Variants in ENOX1 observed in about 807,000 individuals in gnomAD.
ENOX1 encodes the protein candidate growth-related and time keeping constitutive hydroquinone (NADH) oxidase.
A neutral mutation model predicts 82.5 loss-of-function variants in ENOX1; 42 were observed. That is an observed-to-expected ratio of 0.51 (90% CI 0.40 to 0.66). The LOEUF (loss-of-function observed/expected upper bound fraction) is 0.66. Among genes scored for constraint, ENOX1 ranks in the 30% least tolerant of loss-of-function variants. ENOX1 has a pLI of 0.00. For missense variants in ENOX1, 608 were observed against 811.6 expected (o/e 0.75, Z 3.05); for synonymous variants, 271 against 282.2 (o/e 0.96, Z 0.40).
intron 1 of ENOX1, among the ~76,000 whole-genome samples, chr13:43,762,949 G>C (rs565332222): frequency 6.6e-6 from 1 of 152,256 alleles, no homozygotes; most frequent in South Asian, 2.1e-4. Context: ...GCTGAAAAAG[G>C]CAAACTGTGT....
At chr13:43,662,407 G>C (rs2084779994) in intron 2 of ENOX1, among the ~76,000 whole-genome samples, 1 of 152,124 alleles carries the variant, frequency 6.6e-6, no homozygotes, top group Non-Finnish European at 1.5e-5. Flanking sequence ...GCTTTTCCCT[G>C]TTATTCCATT....
chr13:43,554,609 C>T (rs1428857041), intron 2 of ENOX1, among the ~76,000 whole-genome samples: 1 of 152,190 alleles, frequency 6.6e-6, no homozygotes, highest in Non-Finnish European at 1.5e-5. Context: ...CAGGGTCTCA[C>T]TCTGTCACCC....
intron 1 of ENOX1, among the ~76,000 whole-genome samples, chr13:43,679,323 G>A (rs974870910): frequency 1.3e-5 from 2 of 152,096 alleles, no homozygotes; most frequent in African/African-American, 4.8e-5. Flanking sequence ...GAATGAACAA[G>A]ATCAAGTCCC....
rs868750009 is a variant in ENOX1 at position 43,337,149 on chromosome 13, G to C, written c.1036+7389C>G. On this transcript the variant is annotated intron_variant, in intron 9 of 16. Coordinates refer to ENST00000690772, the MANE Select transcript of ENOX1 (RefSeq NM_001347969.2). ...ATCACGGTTTACTAAAAAACACTTA[G>C]GCTGTGTTCTGCAATATTAGGTTCT... Among the ~76,000 whole-genome samples, 32 of 152,310 alleles carry C rather than the reference G, an allele frequency of 2.1e-4. 1 individual carries two copies. Among genetic ancestry groups the C allele is most frequent in the South Asian group, 2.1e-3 (10 of 4,822 alleles).
At chr13:43,528,406 A>G (rs1297600020) in intron 2 of ENOX1, among the ~76,000 whole-genome samples, 4 of 152,102 alleles carry the variant, frequency 2.6e-5, no homozygotes, top group African/African-American at 9.7e-5. Context: ...AAATAGTAAT[A>G]TATGCTGCCC....
chr13:43,213,935 C>A lies in ENOX1; in HGVS notation c.*55G>T. 6.3e-7 allele frequency: 1 copy of A among 1,574,922 alleles called. No homozygotes were observed. Among genetic ancestry groups the A allele is most frequent in the East Asian group, 2.3e-5 (1 of 43,808 alleles). ...CCACACCTCCTGCTTCCCCGTCGCA[C>A]CGCCCTGGCCAGGTTCACATGGTTT... On this transcript the variant is annotated 3_prime_UTR_variant, in exon 17 of 17. Transcript: ENST00000690772.
At chr13:43,610,148 G>T (rs1038520257) in intron 2 of ENOX1, among the ~76,000 whole-genome samples, 1 of 152,136 alleles carries the variant, frequency 6.6e-6, no homozygotes, top group African/African-American at 2.4e-5. Flanking sequence ...ATCTGCCCTG[G>T]CCATCAGGAT....
At chr13:43,232,030 A>T (rs2153456575) in intron 15 of ENOX1, among the ~76,000 whole-genome samples, 1 of 150,954 alleles carries the variant, frequency 6.6e-6, no homozygotes, top group South Asian at 2.1e-4. Context: ...GGCTCAAGAG[A>T]TCCTTCCACC....
chr13:43,445,329 T>C (rs546467647), intron 3 of ENOX1, among the ~76,000 whole-genome samples: 52 of 152,206 alleles, frequency 3.4e-4, no homozygotes, highest in African/African-American at 9.4e-4. Flanking sequence ...TTCACCGTGT[T>C]AGCCAGGATG....
At chr13:43,530,608 A>G (rs2153687868) in intron 2 of ENOX1, among the ~76,000 whole-genome samples, 1 of 152,286 alleles carries the variant, frequency 6.6e-6, no homozygotes, top group East Asian at 1.9e-4. Flanking sequence ...AGAATGATCA[A>G]AAGTTAACAG....
At chr13:43,369,351 G>A (rs2051062421) in intron 5 of ENOX1, among the ~76,000 whole-genome samples, 2 of 152,220 alleles carry the variant, frequency 1.3e-5, no homozygotes, top group Admixed American at 6.5e-5. Flanking sequence ...CCAGGAAGAA[G>A]CTGATCAACC....
intron 2 of ENOX1, among the ~76,000 whole-genome samples, chr13:43,496,699 C>T (rs116969955): frequency 6.6e-6 from 1 of 152,044 alleles, no homozygotes; most frequent in African/African-American, 2.4e-5. Context: ...CTTAATGAGC[C>T]TTTCTCCTAT....
Position 43,331,070 on chromosome 13 carries a change from A to G in ENOX1, c.1037-4545T>C, listed in dbSNP as rs1566530273. Reference sequence around the variant, plus strand: ...AAAGCTCAGAACAGAATATCCATTTATCCAGGAACAGACCACACTGAAGCA... The same window carrying G: ...AAAGCTCAGAACAGAATATCCATTTGTCCAGGAACAGACCACACTGAAGCA... On this transcript the variant is annotated intron_variant, in intron 9 of 16. Transcript: ENST00000690772. Among the ~76,000 whole-genome samples, 10 of 152,200 alleles carry G rather than the reference A, an allele frequency of 6.6e-5. No homozygotes were observed. In the South Asian group the frequency reaches 2.1e-3, roughly 32 times the overall value.
At chr13:43,538,568 C>T (rs1183691722) in intron 2 of ENOX1, among the ~76,000 whole-genome samples, 1 of 152,004 alleles carries the variant, frequency 6.6e-6, no homozygotes, top group East Asian at 1.9e-4. Context: ...CAATCTTGTG[C>T]CCCTGGTTTA....
At chr13:43,687,760 G>T (rs796581369) in intron 1 of ENOX1, among the ~76,000 whole-genome samples, 1 of 152,098 alleles carries the variant, frequency 6.6e-6, no homozygotes, top group East Asian at 1.9e-4. Context: ...GGGAGAAAGA[G>T]AGATAAATCA....
intron 1 of ENOX1, among the ~76,000 whole-genome samples, chr13:43,674,246 A>G (rs2085399232): frequency 6.6e-6 from 1 of 152,156 alleles, no homozygotes; most frequent in African/African-American, 2.4e-5. Flanking sequence ...ACAAGACAAG[A>G]CTCTCACTCC....
intron 14 of ENOX1, 26 bp from the exon 15 acceptor site, chr13:43,236,764 T>A: frequency 7.2e-7 from 1 of 1,394,936 alleles, no homozygotes; most frequent in Non-Finnish European, 9.8e-7. Flanking sequence ...CCAAAAACCA[T>A]ATATGGGTTT....
chr13:43,713,017 T>A (rs1466922939), intron 1 of ENOX1, among the ~76,000 whole-genome samples: 1 of 152,132 alleles, frequency 6.6e-6, no homozygotes, highest in Admixed American at 6.5e-5. Flanking sequence ...GCTTCCAGTT[T>A]TTGCCCATTC....
At chr13:43,248,111 T>G (rs1411546200) in intron 14 of ENOX1, among the ~76,000 whole-genome samples, 7 of 150,852 alleles carry the variant, frequency 4.6e-5, no homozygotes, top group Admixed American at 4.0e-4. Flanking sequence ...GGTCTCGATC[T>G]CCTGACCTCG....
Sources: allele counts gnomAD v4.1 joint callset (sites outside exome capture counted in the v4.1 genomes callset), GRCh38; gene constraint gnomAD v4.1.1; transcripts MANE v1.5; gene names NCBI Gene and HGNC (gene_info 2026-07-23, HGNC 2026-07-21).